The following PAGR1 variants were observed in gnomAD, a reference collection of about 807,000 sequenced individuals.
PAGR1 encodes PAXIP1 associated glutamate rich protein 1.
In PAGR1, 20 loss-of-function variants were observed where a neutral mutation model predicts 22.4. The ratio of observed to expected loss-of-function variants is 0.89; its 90% CI spans 0.63 to 1.30. The LOEUF is 1.30. PAGR1 is among the 50% of genes most tolerant of loss of function. The pLI is 0.00. For missense variants in PAGR1, 338 were observed against 343.6 expected, an observed-to-expected ratio of 0.98 and a Z score of 0.13; for synonymous variants, 161 against 148.3, an observed-to-expected ratio of 1.09 and a Z score of -0.62.
chr16:29,817,328 G>A, intron 2 of PAGR1, 36 bp downstream of exon 2: 2 of 1,605,732 alleles, frequency 1.2e-6, no homozygotes. Flanking sequence ...GGGAGGTGAA[G>A]GGCCTCGGCT....
At position 29,819,972 on chromosome 16, in the gene PAGR1, C is replaced by T. The variant is rs1034987476; in HGVS notation, c.*218C>T. The T allele has an allele frequency of 3.6e-6, 2 of 552,976 alleles. No individual in the cohort carries two copies. The highest frequency in any genetic ancestry group is 1.9e-5 in the African/African-American group (1 of 53,132). The allele number at this position is 552,976 out of a possible 1,614,324, so 34.3% of individuals were successfully genotyped here. Reference sequence around the variant, plus strand: ...TGTGTGTGTGTTTTCTATTGAACACCTATAGAGAGAGTGTGTGTGTTTTCT... The same window carrying T: ...TGTGTGTGTGTTTTCTATTGAACACTTATAGAGAGAGTGTGTGTGTTTTCT... On this transcript the variant is annotated 3_prime_UTR_variant, in exon 3 of 3. Coordinates refer to ENST00000320330, the MANE Select transcript of PAGR1 (RefSeq NM_024516.4).
rs909800832 is a variant in PAGR1 at position 29,821,393 on chromosome 16, TA to T, written c.*1640del. 4 of 152,074 alleles carry T rather than the reference TA, an allele frequency of 2.6e-5. No individual in the cohort carries two copies. The highest frequency in any genetic ancestry group is 9.7e-5 in the African/African-American group (4 of 41,402). 9.4% of individuals were successfully genotyped at this position (152,074 alleles called of 1,614,324 possible). A position where few individuals can be genotyped will look rare whatever the true frequency, so the allele number is the denominator to read the frequency against. ...CCCTCTGTATGTAGCCTTGAGCAGG[TA>T]GGGGGGCCACCTTGAGTGGGTGGCC... On this transcript the variant is annotated 3_prime_UTR_variant, in exon 3 of 3. Transcript: ENST00000320330.
Position 29,822,450 on chromosome 16 carries a change from C to T in PAGR1, c.*2696C>T, listed in dbSNP as rs1022823842. On this transcript the variant is annotated 3_prime_UTR_variant, in exon 3 of 3. Transcript: ENST00000320330. ...ATTCCTGAGTCATGTGACCCATTCT[C>T]TAAAGACTAGAATATTTAACTTAAA... 9 of 152,286 alleles carry T rather than the reference C, an allele frequency of 5.9e-5. No individual in the cohort carries two copies. In the East Asian group the frequency reaches 1.5e-3, roughly 26 times the overall value. 9.4% of individuals were successfully genotyped at this position (152,286 alleles called of 1,614,324 possible).
chr16:29,820,023 TGTGA>T lies in PAGR1; in HGVS notation c.*273_*276del, dbSNP rs1567384777. ...ATTGAACATCTATATAGAGAGAGTG[TGTGA>T]GTGTGTGTTTTCTATTGAACACCTA... On this transcript the variant is annotated 3_prime_UTR_variant, in exon 3 of 3. Coordinates refer to ENST00000320330, the MANE Select transcript of PAGR1 (RefSeq NM_024516.4). The T allele has an allele frequency of 7.5e-5, 30 of 402,456 alleles. 1 individual carries two copies. In the South Asian group the frequency reaches 1.5e-3, roughly 20 times the overall value. 24.9% of individuals were successfully genotyped at this position (402,456 alleles called of 1,614,324 possible). A position where few individuals can be genotyped will look rare whatever the true frequency, so the allele number is the denominator to read the frequency against.
chr16:29,816,473 C>A lies in PAGR1; in HGVS notation c.-53C>A. The A allele has an allele frequency of 2.1e-6, 3 of 1,414,464 alleles. No homozygotes were observed. The highest frequency in any genetic ancestry group is 2.5e-5 in the East Asian group (1 of 39,732). 87.6% of individuals were successfully genotyped at this position (1,414,464 alleles called of 1,614,324 possible). A position where few individuals can be genotyped will look rare whatever the true frequency, so the allele number is the denominator to read the frequency against. ...CAGGGGAGCCCGATCCCTGGGGGAC[C>A]CTGGCTTCGGACTCCAGTATCTGTC... On this transcript the variant is annotated 5_prime_UTR_variant, in exon 1 of 3. Transcript: ENST00000320330.
chr16:29,819,565 C>A lies in PAGR1; in HGVS notation c.576C>A (p.Ala192=), dbSNP rs764030517. 3.1e-6 allele frequency: 5 copies of A among 1,613,978 alleles called. No individual in the cohort carries two copies. The highest frequency in any genetic ancestry group is 1.7e-5 in the Admixed American group (1 of 59,992). ...IDRRRTPGSS[A]RSQKREARLD... is the part of the protein sequence containing the mutation. Reference sequence around the variant, plus strand: ...CTTCCTCTTCTCCAGGAAGCTCAGCCCGGAGCCAGAAACGGGAGGCCCGCC... The same window carrying A: ...CTTCCTCTTCTCCAGGAAGCTCAGCACGGAGCCAGAAACGGGAGGCCCGCC... The change falls in exon 3 of 3, where the codon GCC becomes GCA. Residue 192 remains alanine, a synonymous_variant. Transcript: ENST00000320330.
chr16:29,819,574 G>T lies in PAGR1; in HGVS notation c.585G>T (p.Gln195His). 1 of 1,614,066 alleles carries T rather than the reference G, an allele frequency of 6.2e-7. No homozygotes were observed. The highest frequency in any genetic ancestry group is 8.5e-7 in the Non-Finnish European group (1 of 1,180,010). Residue 195 changes from glutamine (Q) to histidine (H), a missense_variant, in exon 3 of 3, where the codon CAG becomes CAT. Physicochemically the swap from Gln to His is conservative, Grantham distance 24 (BLOSUM62 0). Around this residue, in one of 3 missense-constraint regions of PAGR1, gnomAD observed 51 missense variants for 83.1 expected, o/e 0.61. Coordinates refer to ENST00000320330, the MANE Select transcript of PAGR1 (RefSeq NM_024516.4). The part of the protein sequence containing the change: ...RRTPGSSARS[Q>H]KREARLDKVL... ...CTCCAGGAAGCTCAGCCCGGAGCCA[G>T]AAACGGGAGGCCCGCCTGGACAAGG...
At position 29,820,115 on chromosome 16, in the gene PAGR1, AAAG is replaced by A. The variant is rs1206255231; in HGVS notation, c.*362_*364del. ...AAAGATGCAGAGCTATCATCTCTTA[AAAG>A]GAGGGGCTGTAGCTGTAGCTCAACA... On this transcript the variant is annotated 3_prime_UTR_variant, in exon 3 of 3. Coordinates refer to ENST00000320330, the MANE Select transcript of PAGR1 (RefSeq NM_024516.4). 9.6e-5 allele frequency: 19 copies of A among 198,542 alleles called. No homozygotes were observed. The highest frequency in any genetic ancestry group is 1.4e-4 in the Non-Finnish European group (14 of 97,182). The allele number at this position is 198,542 out of a possible 1,614,324, so 12.3% of individuals were successfully genotyped here. A position where few individuals can be genotyped will look rare whatever the true frequency, so the allele number is the denominator to read the frequency against.
Position 29,816,431 on chromosome 16 carries a change from A to C in PAGR1, c.-95A>C. ...CCCCTGCGGGAGCGTGATTGGCTGGAAACGGTCCCGAACCCCCAGGGGAGC... is the reference window on the plus strand; with the variant it reads ...CCCCTGCGGGAGCGTGATTGGCTGGCAACGGTCCCGAACCCCCAGGGGAGC... On this transcript the variant is annotated 5_prime_UTR_variant, in exon 1 of 3. Transcript: ENST00000320330. The C allele has an allele frequency of 7.9e-7, 1 of 1,260,238 alleles. No homozygotes were observed. The highest frequency in any genetic ancestry group is 1.0e-6 in the Non-Finnish European group (1 of 975,996). 78.1% of individuals were successfully genotyped at this position (1,260,238 alleles called of 1,614,324 possible).
chr16:29,817,332 C>T, intron 2 of PAGR1, 40 bp downstream of exon 2: 1 of 1,600,880 alleles, frequency 6.2e-7, no homozygotes, highest in Non-Finnish European at 8.5e-7. Flanking sequence ...GGTGAAGGGC[C>T]TCGGCTCAGT....
In PAGR1 at chr16:29,816,589, G is replaced by A. The variant is rs1288664885; in HGVS notation, c.64G>A (p.Gly22Arg). 1 of 1,515,804 alleles carries A rather than the reference G, an allele frequency of 6.6e-7. No individual in the cohort carries two copies. Among genetic ancestry groups the A allele is most frequent in the Admixed American group, 2.3e-5 (1 of 43,740 alleles). The allele number at this position is 1,515,804 out of a possible 1,614,324, so 93.9% of individuals were successfully genotyped here. ...TACGGCGGCGCCTCTGTCTGAAGAAGGGGAAGTGACCTCCGGCCTCCAGGC... is the reference window on the plus strand; with the variant it reads ...TACGGCGGCGCCTCTGTCTGAAGAAAGGGAAGTGACCTCCGGCCTCCAGGC... The part of the protein sequence containing the change: ...ASTAAPLSEE[G>R]EVTSGLQALA... The change falls in exon 1 of 3, where the codon GGG becomes AGG. Residue 22 changes from glycine (G) to arginine (R), a missense_variant. Physicochemically the swap from Gly to Arg is moderately radical, Grantham distance 125 (BLOSUM62 -2). Transcript: ENST00000320330.
intron 2 of PAGR1, 101 bp from the exon 3 acceptor site, chr16:29,819,454 C>G: frequency 8.0e-7 from 1 of 1,244,966 alleles, no homozygotes; most frequent in Admixed American, 1.8e-5. Context: ...GCCTGGGGAC[C>G]TGCATGTTTA....
At position 29,822,024 on chromosome 16, in the gene PAGR1, C is replaced by T. The variant is rs2067365567; in HGVS notation, c.*2270C>T. Among the ~76,000 whole-genome samples the T allele has an allele frequency of 6.6e-6, 1 of 151,708 alleles. No individual in the cohort carries two copies. The highest frequency in any genetic ancestry group is 1.5e-5 in the Non-Finnish European group (1 of 67,984). ...GAGGATGGCTTGAGGCCAGGAGTTC[C>T]AGACCAGCCTGAGCAACATAGCGAG... On this transcript the variant is annotated 3_prime_UTR_variant, in exon 3 of 3. Coordinates refer to ENST00000320330, the MANE Select transcript of PAGR1 (RefSeq NM_024516.4).
Position 29,821,152 on chromosome 16 carries a change from G to A in PAGR1, c.*1398G>A, listed in dbSNP as rs2067355834. The A allele has an allele frequency of 6.6e-6, 1 of 152,250 alleles. No homozygotes were observed. Among genetic ancestry groups the A allele is most frequent in the African/African-American group, 2.4e-5 (1 of 41,440 alleles). The allele number at this position is 152,250 out of a possible 1,614,324, so 9.4% of individuals were successfully genotyped here. ...TGGACCCACCAGCCTGAGATTCTGG[G>A]GATTTTAGAGCTGTCCCTTGGGGAG... On this transcript the variant is annotated 3_prime_UTR_variant, in exon 3 of 3. Coordinates refer to ENST00000320330, the MANE Select transcript of PAGR1 (RefSeq NM_024516.4).
In PAGR1 at chr16:29,819,687, C is replaced by T. The variant is rs1337277528; in HGVS notation, c.698C>T (p.Pro233Leu). ...CTCTTCAGCCTGGACTCGGAGGACCCCAGCCCCGCCAGCCCCCCACTCCGA... is the reference window on the plus strand; with the variant it reads ...CTCTTCAGCCTGGACTCGGAGGACCTCAGCCCCGCCAGCCCCCCACTCCGA... ...RDLFSLDSED[P>L]SPASPPLRSS... The change falls in exon 3 of 3, where the codon CCC (proline) becomes CTC (leucine). Residue 233 changes from proline to leucine, a missense_variant. Physicochemically the swap from Pro to Leu is moderately conservative, Grantham distance 98. Coordinates refer to ENST00000320330, the MANE Select transcript of PAGR1 (RefSeq NM_024516.4). The T allele has an allele frequency of 2.5e-6, 4 of 1,613,690 alleles. No homozygotes were observed. Among genetic ancestry groups the T allele is most frequent in the Non-Finnish European group, 3.4e-6 (4 of 1,180,028 alleles).
At chr16:29,817,547 C>A (rs189226682) in intron 2 of PAGR1, among the ~76,000 whole-genome samples, 5 of 142,738 alleles carry the variant, frequency 3.5e-5, no homozygotes, top group African/African-American at 1.3e-4. Flanking sequence ...GATCTCAACT[C>A]ACTGCAACCT....
intron 2 of PAGR1, among the ~76,000 whole-genome samples, chr16:29,819,089 G>A (rs1019752664): frequency 6.1e-4 from 93 of 151,854 alleles, no homozygotes; most frequent in Non-Finnish European, 1.2e-3. Context: ...TCCACCTCCC[G>A]GGTTCAAGCG....
chr16:29,817,997 C>A (rs572850260), intron 2 of PAGR1: 6 of 152,144 alleles, frequency 3.9e-5, no homozygotes, highest in African/African-American at 1.2e-4. Context: ...TTTAAAAAAA[C>A]AACTAGTCAT....
In PAGR1 at chr16:29,819,943, A is replaced by AGTGT; in HGVS notation, c.*200_*203dup. On this transcript the variant is annotated 3_prime_UTR_variant, in exon 3 of 3. Coordinates refer to ENST00000320330, the MANE Select transcript of PAGR1 (RefSeq NM_024516.4). ...TGTTTTTTCTATTGAACACCTGTAG[A>AGTGT]GTGTGTGTGTGTGTTTTCTATTGAA... The AGTGT allele has an allele frequency of 3.2e-6, 2 of 625,764 alleles. No homozygotes were observed. Among genetic ancestry groups the AGTGT allele is most frequent in the South Asian group, 2.1e-5 (1 of 47,304 alleles). The allele number at this position is 625,764 out of a possible 1,614,324, so 38.8% of individuals were successfully genotyped here.
Sources: allele counts gnomAD v4.1 joint callset (sites outside exome capture counted in the v4.1 genomes callset), GRCh38; gene constraint gnomAD v4.1.1; regional missense constraint gnomAD v4.1.1; transcripts MANE v1.5; gene names NCBI Gene and HGNC (gene_info 2026-07-23, HGNC 2026-07-21).